The following DUSP4 variants were observed in gnomAD, a reference collection of about 807,000 sequenced individuals.
DUSP4 encodes dual specificity phosphatase 4.
A neutral mutation model predicts 27.2 loss-of-function variants in DUSP4; 12 were observed. The observed-to-expected ratio is 0.44, with a 90% CI of 0.28 to 0.71. The LOEUF is 0.71. Among genes scored for constraint, DUSP4 ranks in the 30% least tolerant of loss-of-function variants. DUSP4 has a pLI of 0.14. For missense variants in DUSP4, 448 were observed against 551.3 expected (o/e 0.81, Z 1.88); for synonymous variants, 257 against 245.2 (o/e 1.05, Z -0.45).
At chr8:29,349,451 T>C (rs1361617817) in intron 1 of DUSP4, among the ~76,000 whole-genome samples, 1 of 152,182 alleles carries the variant, frequency 6.6e-6, no homozygotes, top group Admixed American at 6.5e-5. Flanking sequence ...TCCGGCTCAG[T>C]GTAGGGCCCC....
chr8:29,349,864 C>A lies in DUSP4; in HGVS notation c.415G>T (p.Asp139Tyr). 1 of 1,506,122 alleles carries A rather than the reference C, an allele frequency of 6.6e-7. No homozygotes were observed. The highest frequency in any genetic ancestry group is 8.8e-7 in the Non-Finnish European group (1 of 1,133,712). 93.3% of individuals were successfully genotyped at this position (1,506,122 alleles called of 1,614,324 possible). Residue 139 changes from aspartate (D) to tyrosine (Y), a missense_variant, in exon 1 of 4, where the codon GAC becomes TAC. Around this residue, in one of 3 missense-constraint regions of DUSP4, gnomAD observed 345 missense variants for 394.0 expected, o/e 0.88. Transcript: ENST00000240100. ...QALRRNAERT[D>Y]ICLLKGGYER... ...CGTTTACCTTTGAGCAGGCAGATGTCGGTGCGCTCGGCGTTGCGGCGCAGC... is the reference window on the plus strand; with the variant it reads ...CGTTTACCTTTGAGCAGGCAGATGTAGGTGCGCTCGGCGTTGCGGCGCAGC...
In DUSP4 at chr8:29,338,442, C is replaced by G; in HGVS notation, c.639G>C (p.Arg213=). The G allele has an allele frequency of 1.2e-6, 2 of 1,614,112 alleles. No homozygotes were observed. Residue 213 remains arginine (R), a synonymous_variant, in exon 3 of 4, where the codon CGG becomes CGC. Coordinates refer to ENST00000240100, the MANE Select transcript of DUSP4 (RefSeq NM_001394.7). ...LYLGSAYHAA[R]RDMLDALGIT... ...TGCCCAGGGCGTCCAGCATGTCTCT[C>G]CGGGCAGCATGGTAGGCACTGCCGA...
At position 29,336,262 on chromosome 8, in the gene DUSP4, C is replaced by T. The variant is rs980555479; in HGVS notation, c.*764G>A. 3.3e-5 allele frequency: 5 copies of T among 151,692 alleles called. No homozygotes were observed. The highest frequency in any genetic ancestry group is 1.2e-4 in the African/African-American group (5 of 41,208). 9.4% of individuals were successfully genotyped at this position (151,692 alleles called of 1,614,324 possible). ...CCTAATTCTTCCCTTTCTTCCTCCTCCCACCCAACCCGCCTGCTTCTCAGT... is the reference window on the plus strand; with the variant it reads ...CCTAATTCTTCCCTTTCTTCCTCCTTCCACCCAACCCGCCTGCTTCTCAGT... On this transcript the variant is annotated 3_prime_UTR_variant, in exon 4 of 4. Transcript: ENST00000240100.
At chr8:29,348,814 C>G (rs1008347687) in intron 1 of DUSP4, 5 of 984,822 alleles carry the variant, frequency 5.1e-6, no homozygotes, top group Non-Finnish European at 6.0e-6. Flanking sequence ...GCCTACCGGG[C>G]TCGGAAGCGC....
chr8:29,345,595 G>A lies in DUSP4; in HGVS notation c.433+4251C>T, dbSNP rs182370295. The A allele has an allele frequency of 1.0e-4, 152 of 1,499,262 alleles. No homozygotes were observed. In the Admixed American group the frequency reaches 2.1e-3, roughly 21 times the overall value. 92.9% of individuals were successfully genotyped at this position (1,499,262 alleles called of 1,614,324 possible). On this transcript the variant is annotated intron_variant, in intron 1 of 3. Coordinates refer to ENST00000240100, the MANE Select transcript of DUSP4 (RefSeq NM_001394.7). ...GGAAATCGGCTCTCTGGTTTCAGATGTTCTGATTTTTTTTCAAGGAATTTC... is the reference window on the plus strand; with the variant it reads ...GGAAATCGGCTCTCTGGTTTCAGATATTCTGATTTTTTTTCAAGGAATTTC...
chr8:29,349,747 G>T (rs752012439), intron 1 of DUSP4, 99 bp downstream of exon 1: 1,027 of 1,346,220 alleles, frequency 7.6e-4, no homozygotes, highest in Non-Finnish European at 9.3e-4. Flanking sequence ...CCGCAACCAC[G>T]AATCACGCCG....
Position 29,335,984 on chromosome 8 carries a change from C to T in DUSP4, c.*1042G>A, listed in dbSNP as rs558572155. 58 of 152,364 alleles carry T rather than the reference C, an allele frequency of 3.8e-4. No homozygotes were observed. The highest frequency in any genetic ancestry group is 1.3e-3 in the African/African-American group (55 of 41,582). 9.4% of individuals were successfully genotyped at this position (152,364 alleles called of 1,614,324 possible). ...AATTCACATTGGTCATGATGACACACACCTGCAGTCCCAGCTACTCAGGAG... is the reference window on the plus strand; with the variant it reads ...AATTCACATTGGTCATGATGACACATACCTGCAGTCCCAGCTACTCAGGAG... On this transcript the variant is annotated 3_prime_UTR_variant, in exon 4 of 4. Transcript: ENST00000240100.
At chr8:29,340,050 C>G in intron 2 of DUSP4, 48 bp downstream of exon 2, 1 of 1,544,350 alleles carries the variant, frequency 6.5e-7, no homozygotes, top group Non-Finnish European at 8.7e-7. Flanking sequence ...CCACTGGCCC[C>G]TACGCTGTTC....
At chr8:29,347,965 C>G in intron 1 of DUSP4, 1 of 985,522 alleles carries the variant, frequency 1.0e-6, no homozygotes, top group Non-Finnish European at 1.2e-6. Flanking sequence ...TCCCTCTCTC[C>G]CCGGGAGCGG....
At chr8:29,342,290 C>T (rs747470015) in intron 1 of DUSP4, among the ~76,000 whole-genome samples, 2 of 152,222 alleles carry the variant, frequency 1.3e-5, no homozygotes, top group African/African-American at 2.4e-5. Flanking sequence ...GAGCATGTAT[C>T]ACCTGTGCAG....
In DUSP4 at chr8:29,334,938, G is replaced by C. The variant is rs1343943372; in HGVS notation, c.*2088C>G. 6.6e-6 allele frequency: 1 copy of C among 152,158 alleles called. No individual in the cohort carries two copies. The highest frequency in any genetic ancestry group is 2.1e-4 in the South Asian group (1 of 4,828). The allele number at this position is 152,158 out of a possible 1,614,324, so 9.4% of individuals were successfully genotyped here. A position where few individuals can be genotyped will look rare whatever the true frequency, so the allele number is the denominator to read the frequency against. On this transcript the variant is annotated 3_prime_UTR_variant, in exon 4 of 4. Coordinates refer to ENST00000240100, the MANE Select transcript of DUSP4 (RefSeq NM_001394.7). ...AGTCAGGATGAATGATGCCGTCACA[G>C]GTTCATGGTTCATGGAAGGAAAGGT...
rs1817795216 is a variant in DUSP4, at chr8:29,349,828, C to CAAA, written c.433+17_433+18insTTT. 6.8e-7 allele frequency: 1 copy of CAAA among 1,478,534 alleles called. No individual in the cohort carries two copies. The highest frequency in any genetic ancestry group is 1.4e-5 in the African/African-American group (1 of 69,862). The allele number at this position is 1,478,534 out of a possible 1,614,324, so 91.6% of individuals were successfully genotyped here. A position where few individuals can be genotyped will look rare whatever the true frequency, so the allele number is the denominator to read the frequency against. On this transcript the variant is annotated intron_variant, in intron 1 of 3. Transcript: ENST00000240100. ...TCCATCTCCCCGACTCCAGCTAGCG[C>CAAA]CCGGAGCCCTCGTTTACCTTTGAGC...
In DUSP4 at chr8:29,340,160, G is replaced by A. The variant is rs753586703; in HGVS notation, c.517C>T (p.Pro173Ser). 2 of 1,610,934 alleles carry A rather than the reference G, an allele frequency of 1.2e-6. No homozygotes were observed. Among genetic ancestry groups the A allele is most frequent in the East Asian group, 2.2e-5 (1 of 44,846 alleles). ...AGGTCCAAGGGCTCTGTGGCACTGGGGGGAACCGGGGGTGGGATGGCTGCC... is the reference window on the plus strand; with the variant it reads ...AGGTCCAAGGGCTCTGTGGCACTGGAGGGAACCGGGGGTGGGATGGCTGCC... ...ALAAIPPPVP[P>S]SATEPLDLGC... Residue 173 changes from proline to serine, a missense_variant, in exon 2 of 4, where the codon CCC (proline) becomes TCC (serine). Transcript: ENST00000240100.
At chr8:29,341,766 G>A (rs1216627252) in intron 1 of DUSP4, among the ~76,000 whole-genome samples, 2 of 152,178 alleles carry the variant, frequency 1.3e-5, no homozygotes, top group African/African-American at 4.8e-5. Context: ...TAGAGGATGA[G>A]GGAAGAGGAA....
Position 29,340,975 on chromosome 8 carries a change from G to A in DUSP4, c.434-732C>T, listed in dbSNP as rs571414552. 8.1e-4 allele frequency among the ~76,000 whole-genome samples: 123 copies of A among 152,276 alleles called. 1 individual carries two copies. Among genetic ancestry groups the A allele is most frequent in the African/African-American group, 2.8e-3 (116 of 41,544 alleles). ...ATAAATGGCCAGCTGAGCTGGGGTA[G>A]GGTGAGTGCTCCTATCTAGGAGGGG... On this transcript the variant is annotated intron_variant, in intron 1 of 3. Transcript: ENST00000240100.
At position 29,345,572 on chromosome 8, in the gene DUSP4, A is replaced by C. The variant is rs753076745; in HGVS notation, c.433+4274T>G. The C allele has an allele frequency of 7.9e-6, 12 of 1,521,090 alleles. No homozygotes were observed. In the South Asian group the frequency reaches 1.6e-4, roughly 20 times the overall value. 94.2% of individuals were successfully genotyped at this position (1,521,090 alleles called of 1,614,324 possible). A position where few individuals can be genotyped will look rare whatever the true frequency, so the allele number is the denominator to read the frequency against. ...AGCCAGGAACTGCCTCCCGGTAAGG[A>C]AATCGGCTCTCTGGTTTCAGATGTT... On this transcript the variant is annotated intron_variant, in intron 1 of 3. Transcript: ENST00000240100.
intron 1 of DUSP4, chr8:29,348,865 G>T: frequency 1.1e-6 from 1 of 901,770 alleles, no homozygotes; most frequent in Non-Finnish European, 1.3e-6. Flanking sequence ...ATGCGGCGGC[G>T]GGAGGCGGAG....
rs1382210824 is a variant in DUSP4 at position 29,350,592 on chromosome 8, TG to T, written c.-315del. The T allele has an allele frequency of 3.0e-6, 1 of 328,640 alleles. No individual in the cohort carries two copies. The highest frequency in any genetic ancestry group is 5.5e-6 in the Non-Finnish European group (1 of 181,956). 20.4% of individuals were successfully genotyped at this position (328,640 alleles called of 1,614,324 possible). A position where few individuals can be genotyped will look rare whatever the true frequency, so the allele number is the denominator to read the frequency against. ...GACTCTTTTCGGCGACGGCCTCCCG[TG>T]TATTTTTGCCGGTCGCGCGGCTCCT... is the stretch of plus-strand genomic sequence containing the variant. On this transcript the variant is annotated 5_prime_UTR_variant, in exon 1 of 4. Coordinates refer to ENST00000240100, the MANE Select transcript of DUSP4 (RefSeq NM_001394.7).
At chr8:29,348,980 C>T (rs1198425724) in intron 1 of DUSP4, among the ~76,000 whole-genome samples, 1 of 152,190 alleles carries the variant, frequency 6.6e-6, no homozygotes. Flanking sequence ...CGCCAGGTCC[C>T]TCCAGGGACT....
Sources: gnomAD v4.1 joint callset for allele counts (sites outside exome capture counted in the v4.1 genomes callset) on GRCh38, gnomAD v4.1.1 for gene constraint, gnomAD v4.1.1 regional missense constraint, MANE v1.5 for transcripts, NCBI Gene and HGNC (gene_info 2026-07-23, HGNC 2026-07-21) for gene names.